Variants in SENP7 observed in about 807,000 individuals in gnomAD.
SENP7 encodes the protein SUMO specific peptidase 7.
Under a neutral mutation model 141.2 loss-of-function variants are expected in SENP7, and 64 were observed. The observed-to-expected ratio is 0.45, with a 90% CI of 0.37 to 0.56. SENP7 has a LOEUF of 0.56. SENP7 is among the 20% of genes least tolerant of loss of function. The pLI, the probability that SENP7 is intolerant of heterozygous loss-of-function variation, is 0.00. For missense variants in SENP7, 1,025 were observed against 1,212.2 expected (o/e 0.85, Z 2.29); for synonymous variants, 382 against 426.4 (o/e 0.90, Z 1.28).
At chr3:101,481,155 A>G (rs747628419) in intron 3 of SENP7, among the ~76,000 whole-genome samples, 1 of 152,074 alleles carries the variant, frequency 6.6e-6, no homozygotes, top group Non-Finnish European at 1.5e-5. Context: ...AAAGGAAAGG[A>G]AAACAATATT....
At chr3:101,489,224 T>C (rs1460344729) in intron 3 of SENP7, among the ~76,000 whole-genome samples, 2 of 152,124 alleles carry the variant, frequency 1.3e-5, no homozygotes, top group Non-Finnish European at 1.5e-5. Context: ...CTTAAGCACA[T>C]AGCCCACAGA....
intron 11 of SENP7, among the ~76,000 whole-genome samples, chr3:101,360,213 G>A (rs1296640744): frequency 1.3e-5 from 2 of 152,052 alleles, no homozygotes; most frequent in East Asian, 3.9e-4. Flanking sequence ...TTGAGCTTTC[G>A]AAGCAATGGT....
chr3:101,386,424 C>T (rs2176887), intron 6 of SENP7, among the ~76,000 whole-genome samples: 145,414 of 152,200 alleles, frequency 0.96, 69,496 homozygotes, highest in East Asian at 1. Context: ...CACTGTTCAA[C>T]AGGGAGAGAT....
intron 7 of SENP7, among the ~76,000 whole-genome samples, chr3:101,369,586 G>A (rs754834523): frequency 2.0e-5 from 3 of 152,138 alleles, no homozygotes; most frequent in East Asian, 3.9e-4. Flanking sequence ...AATTTTATAT[G>A]TAATATTGTA....
Position 101,341,769 on chromosome 3 carries a change from G to C in SENP7, c.2117C>G (p.Thr706Arg). ...GGTGTAAGTAGGCTTGGCCGCATCT[G>C]TGTTTGAGGGCTGACAGAAAGTGGC... is the stretch of plus-strand genomic sequence containing the variant. The part of the protein sequence containing the change: ...KLKSVSQPSN[T>R]DAAKPTYTFL... The change falls in exon 15 of 24, where the codon ACA becomes AGA. Residue 706 changes from threonine to arginine, a missense_variant. Thr to Arg is a moderately conservative substitution (Grantham distance 71). Transcript: ENST00000394095. 6.3e-7 allele frequency: 1 copy of C among 1,597,962 alleles called. No individual in the cohort carries two copies. The highest frequency in any genetic ancestry group is 2.2e-5 in the East Asian group (1 of 44,642).
At chr3:101,439,210 T>G (rs1463969994) in intron 4 of SENP7, among the ~76,000 whole-genome samples, 1 of 100,080 alleles carries the variant, frequency 1.0e-5, no homozygotes, top group Non-Finnish European at 2.1e-5. Context: ...GAGGAGTGCC[T>G]CTGCCCGGCC....
intron 5 of SENP7, among the ~76,000 whole-genome samples, chr3:101,409,594 T>C (rs982212768): frequency 2.6e-5 from 4 of 152,040 alleles, no homozygotes; most frequent in Admixed American, 6.6e-5. Flanking sequence ...AACACCTAGA[T>C]CAAGGGAAGA....
At chr3:101,442,784 G>A (rs2062729682) in intron 4 of SENP7, among the ~76,000 whole-genome samples, 1 of 151,736 alleles carries the variant, frequency 6.6e-6, no homozygotes, top group Non-Finnish European at 1.5e-5. Context: ...TTCAACAATA[G>A]ACTAAGCAGA....
At chr3:101,391,938 A>G (rs1310643504) in intron 6 of SENP7, among the ~76,000 whole-genome samples, 1 of 152,172 alleles carries the variant, frequency 6.6e-6, no homozygotes, top group Non-Finnish European at 1.5e-5. Context: ...AATAATTGTG[A>G]TACCTCATAT....
chr3:101,441,072 A>G (rs1395606795), intron 4 of SENP7, among the ~76,000 whole-genome samples: 1 of 152,144 alleles, frequency 6.6e-6, no homozygotes, highest in Admixed American at 6.5e-5. Context: ...GTGCCTAAAG[A>G]CAAGTGAGAC....
At chr3:101,331,306 C>T (rs2059043183) in intron 19 of SENP7, among the ~76,000 whole-genome samples, 1 of 151,474 alleles carries the variant, frequency 6.6e-6, no homozygotes, top group Non-Finnish European at 1.5e-5. Flanking sequence ...ATAGTGAGAT[C>T]CTATCTTTAC....
chr3:101,341,665 G>T lies in SENP7; in HGVS notation c.2221C>A (p.His741Asn), dbSNP rs2059330117. 3.1e-6 allele frequency: 5 copies of T among 1,608,204 alleles called. No individual in the cohort carries two copies. The highest frequency in any genetic ancestry group is 4.3e-6 in the Non-Finnish European group (5 of 1,175,890). Residue 741 changes from histidine (H) to asparagine (N), a missense_variant, in exon 15 of 24, where the codon CAC becomes AAC. This residue lies in a region of SENP7 where 295 missense variants were observed against 459.1 expected (regional missense o/e 0.64). Coordinates refer to ENST00000394095, the MANE Select transcript of SENP7 (RefSeq NM_020654.5). Reference protein sequence around the residue: ...NPDEEWREVRHTGLVQKLIVY... With the variant: ...NPDEEWREVRNTGLVQKLIVY... ...ACATACTTCTGAACAAGTCCAGTGT[G>T]CCTGACTTCTCGCCATTCTTCATCT...
At chr3:101,463,402 T>TATATATATATACAC (rs1211469765) in intron 3 of SENP7, among the ~76,000 whole-genome samples, 10 of 101,254 alleles carry the variant, frequency 9.9e-5, no homozygotes, top group Admixed American at 2.0e-4. Flanking sequence ...TATATACATA[T>TATATATATATACAC]ATATATATAT....
At chr3:101,386,015 CGTCAGT>C (rs905378303) in intron 6 of SENP7, among the ~76,000 whole-genome samples, 3 of 151,988 alleles carry the variant, frequency 2.0e-5, no homozygotes, top group African/African-American at 7.3e-5. Context: ...TCTTAAAGAA[CGTCAGT>C]GAACTACAAG....
intron 4 of SENP7, among the ~76,000 whole-genome samples, chr3:101,428,354 A>C (rs138046864): frequency 3.9e-5 from 6 of 152,330 alleles, no homozygotes; most frequent in African/African-American, 1.4e-4. Context: ...CCTCTCCAGC[A>C]TCTGCTGTTT....
intron 20 of SENP7, 140 bp from the exon 21 acceptor site, chr3:101,328,829 T>A: frequency 1.1e-5 from 7 of 659,382 alleles, no homozygotes; most frequent in Non-Finnish European, 1.9e-5. Flanking sequence ...GTGAGCTAAC[T>A]TCATTTTCCA....
intron 4 of SENP7, among the ~76,000 whole-genome samples, chr3:101,425,250 C>T (rs1225877014): frequency 6.6e-6 from 1 of 152,172 alleles, no homozygotes; most frequent in Non-Finnish European, 1.5e-5. Flanking sequence ...TTAGCTGACA[C>T]CACCCATTGG....
At chr3:101,390,668 CCTA>C (rs1338298616) in intron 6 of SENP7, among the ~76,000 whole-genome samples, 1 of 151,982 alleles carries the variant, frequency 6.6e-6, no homozygotes, top group African/African-American at 2.4e-5. Context: ...ATTTCAACAC[CCTA>C]CTCTCAGCAG....
chr3:101,334,469 G>A (rs1437029180), intron 17 of SENP7, among the ~76,000 whole-genome samples: 1 of 152,038 alleles, frequency 6.6e-6, no homozygotes, highest in Non-Finnish European at 1.5e-5. Flanking sequence ...AGTCATATAG[G>A]AAACTGAAAT....
Sources: allele counts gnomAD v4.1 joint callset (sites outside exome capture counted in the v4.1 genomes callset), GRCh38; gene constraint gnomAD v4.1.1; regional missense constraint gnomAD v4.1.1; transcripts MANE v1.5; gene names NCBI Gene and HGNC (gene_info 2026-07-23, HGNC 2026-07-21).